TYW1B: variants seen among roughly 807,000 people sequenced by gnomAD.
The protein encoded by TYW1B is S-adenosyl-L-methionine-dependent tRNA 4-demethylwyosine synthase TYW1B.
A neutral mutation model predicts 86.9 loss-of-function variants in TYW1B; 73 were observed. That is an observed-to-expected ratio of 0.84 (90% CI 0.70 to 1.02). The LOEUF (loss-of-function observed/expected upper bound fraction) is 1.02, where lower values mean the gene tolerates loss of function less well. Ranked by LOEUF, TYW1B falls within the 50% of genes least tolerant of loss-of-function variation. The probability of loss-of-function intolerance (pLI) is 0.00; values close to 1 mark genes in which losing one functional copy is unlikely to be tolerated. For synonymous variants in TYW1B, 248 were observed against 292.8 expected (o/e 0.85, Z 1.56); for missense variants, 637 against 827.4 (o/e 0.77, Z 2.82).
At chr7:72,689,978 A>T (rs1554450050) in intron 11 of TYW1B, among the ~76,000 whole-genome samples, 1 of 152,230 alleles carries the variant, frequency 6.6e-6, no homozygotes, top group South Asian at 2.1e-4. Context: ...ATGTACAATA[A>T]GCCCTTCGTA....
chr7:72,652,377 GAAAAAAAAAAAAAA>G (rs1169791430), intron 11 of TYW1B, among the ~76,000 whole-genome samples: 6 of 31,286 alleles, frequency 1.9e-4, no homozygotes, highest in Admixed American at 6.0e-4. Context: ...GACTCTGTCT[GAAAAAAAAAAAAAA>G]AAAAAAAAAA....
At position 72,717,526 on chromosome 7, in the gene TYW1B, T is replaced by A. The variant is rs553114256; in HGVS notation, c.1193-3728A>T. Among the ~76,000 whole-genome samples, 308 of 151,868 alleles carry A rather than the reference T, an allele frequency of 2.0e-3. 1 individual carries two copies. The highest frequency in any genetic ancestry group is 3.3e-3 in the Non-Finnish European group (223 of 67,968). On this transcript the variant is annotated intron_variant, in intron 9 of 13. Coordinates refer to ENST00000620995, the MANE Select transcript of TYW1B (RefSeq NM_001145440.3). ...CACAGAAAAAAACAAAGAGAATGAA[T>A]CCCCGGGTTGGCCACTCCTGGATCT...
In TYW1B at chr7:72,774,518, A is replaced by T. The variant is rs28788872; in HGVS notation, c.964+2898T>A. On this transcript the variant is annotated intron_variant, in intron 7 of 13. Transcript: ENST00000620995. ...TGGGCAGATCAGGAGGTCAGGAGATAGAGACCATCCTGGCTAACACGGTAA... is the reference window on the plus strand; with the variant it reads ...TGGGCAGATCAGGAGGTCAGGAGATTGAGACCATCCTGGCTAACACGGTAA... 5.3e-5 allele frequency among the ~76,000 whole-genome samples: 8 copies of T among 151,770 alleles called. No homozygotes were observed. In the South Asian group the frequency reaches 8.3e-4, roughly 16 times the overall value.
intron 6 of TYW1B, among the ~76,000 whole-genome samples, 158 bp from the exon 7 acceptor site, chr7:72,777,691 G>A (rs1460411243): frequency 5.3e-5 from 8 of 152,094 alleles, no homozygotes; most frequent in African/African-American, 1.7e-4. Flanking sequence ...CAGGGTAGGC[G>A]GATCACCTGA....
At chr7:72,739,238 G>A (rs577945606) in intron 8 of TYW1B, among the ~76,000 whole-genome samples, 9 of 152,162 alleles carry the variant, frequency 5.9e-5, no homozygotes, top group East Asian at 5.8e-4. Context: ...GATGATAAAC[G>A]TTCACCGAGG....
At chr7:72,743,703 G>A (rs1348889240) in intron 8 of TYW1B, among the ~76,000 whole-genome samples, 10 of 151,976 alleles carry the variant, frequency 6.6e-5, no homozygotes, top group African/African-American at 2.2e-4. Context: ...AATTAGCTGG[G>A]CGTGGTGATG....
At chr7:72,609,287 G>T (rs1156832234) in intron 13 of TYW1B, among the ~76,000 whole-genome samples, 1 of 152,100 alleles carries the variant, frequency 6.6e-6, no homozygotes. Context: ...GGCTGGGCAC[G>T]GTGGCTCATG....
chr7:72,749,487 G>T (rs1441968277), intron 7 of TYW1B, among the ~76,000 whole-genome samples: 2 of 152,036 alleles, frequency 1.3e-5, no homozygotes, highest in Non-Finnish European at 2.9e-5. Flanking sequence ...TAGAGACGGG[G>T]TTCACTGTAT....
At chr7:72,814,555 G>C (rs1554479008) in intron 3 of TYW1B, among the ~76,000 whole-genome samples, 1 of 151,902 alleles carries the variant, frequency 6.6e-6, no homozygotes, top group Non-Finnish European at 1.5e-5. Context: ...CTGCACTCCA[G>C]CCTGGGTGAC....
At chr7:72,827,944 C>G (rs1788969675) in intron 1 of TYW1B, 128 bp downstream of exon 1, 1 of 1,530,866 alleles carries the variant, frequency 6.5e-7, no homozygotes, top group African/African-American at 1.4e-5. Context: ...CGGCGGCTAG[C>G]CGGTGCTGTC....
Position 72,802,508 on chromosome 7 carries a change from G to A in TYW1B, c.738C>T (p.Phe246=), listed in dbSNP as rs558760780. ...CAAACTCTTCTTCACTGGAGCTCTC[G>A]AAGGGTTCTTCCTCCTGGAAGAGAA... ...HHRDTKEEEP[F]ESSSEEEFGG... is the part of the protein sequence containing the mutation. The change falls in exon 6 of 14, where the codon TTC becomes TTT. Residue 246 remains phenylalanine (F), a synonymous_variant. Transcript: ENST00000620995. 503 of 1,613,782 alleles carry A rather than the reference G, an allele frequency of 3.1e-4. 6 individuals carry two copies. In the South Asian group the frequency reaches 4.8e-3, roughly 15 times the overall value.
At chr7:72,774,325 A>G (rs1307315762) in intron 7 of TYW1B, among the ~76,000 whole-genome samples, 1 of 74,438 alleles carries the variant, frequency 1.3e-5, no homozygotes, top group Non-Finnish European at 2.7e-5. Flanking sequence ...AAGAAGCCAT[A>G]AAAGTGAGAT....
At chr7:72,600,795 G>A (rs782666070) in intron 13 of TYW1B, among the ~76,000 whole-genome samples, 2 of 152,222 alleles carry the variant, frequency 1.3e-5, no homozygotes, top group African/African-American at 4.8e-5. Flanking sequence ...CCAGGAATTA[G>A]AGGCTGCAGT....
At chr7:72,680,850 A>G (rs1813855734) in intron 11 of TYW1B, among the ~76,000 whole-genome samples, 2 of 152,194 alleles carry the variant, frequency 1.3e-5, no homozygotes, top group South Asian at 2.1e-4. Flanking sequence ...CTGCAAATGA[A>G]TTTGTAATAT....
intron 10 of TYW1B, among the ~76,000 whole-genome samples, chr7:72,695,598 C>T (rs1554451314): frequency 1.3e-5 from 2 of 151,960 alleles, no homozygotes; most frequent in Non-Finnish European, 2.9e-5. Flanking sequence ...AGGTCTTTTC[C>T]CCCGGCCCAG....
At chr7:72,589,319 T>C (rs1554431014) in intron 13 of TYW1B, among the ~76,000 whole-genome samples, 1 of 152,208 alleles carries the variant, frequency 6.6e-6, no homozygotes. Context: ...TTCGTGGTGA[T>C]GAAAGACACT....
At chr7:72,791,727 G>A (rs1788223301) in intron 6 of TYW1B, among the ~76,000 whole-genome samples, 1 of 152,124 alleles carries the variant, frequency 6.6e-6, no homozygotes, top group South Asian at 2.1e-4. Context: ...CAGTGAGCGA[G>A]ATGGCGCCAC....
chr7:72,577,060 G>A (rs1351098980), intron 13 of TYW1B, among the ~76,000 whole-genome samples: 1 of 151,964 alleles, frequency 6.6e-6, no homozygotes, highest in African/African-American at 2.4e-5. Flanking sequence ...CTGGGAGGTG[G>A]AGGTTGCAGT....
At chr7:72,692,385 T>C (rs1303569549) in intron 11 of TYW1B, among the ~76,000 whole-genome samples, 3 of 151,378 alleles carry the variant, frequency 2.0e-5, no homozygotes, top group Admixed American at 6.6e-5. Flanking sequence ...CATGGCAGCA[T>C]GTGCCTGTGG....
Sources: gnomAD v4.1 joint callset for allele counts (sites outside exome capture counted in the v4.1 genomes callset) on GRCh38, gnomAD v4.1.1 for gene constraint, MANE v1.5 for transcripts, NCBI Gene and HGNC (gene_info 2026-07-23, HGNC 2026-07-21) for gene names.